UROS: variants seen among roughly 807,000 people sequenced by gnomAD.
The protein encoded by UROS is uroporphyrinogen-III synthase.
Under a neutral mutation model 33.0 loss-of-function variants are expected in UROS, and 18 were observed. The observed-to-expected ratio is 0.55, with a 90% confidence interval of 0.38 to 0.81. The LOEUF is 0.81. Among genes scored for constraint, UROS ranks in the 30% least tolerant of loss-of-function variants. The pLI, the probability that UROS is intolerant of heterozygous loss-of-function variation, is 0.00. For missense variants in UROS, 293 were observed against 314.9 expected (o/e 0.93, Z 0.53); for synonymous variants, 114 against 121.1 (o/e 0.94, Z 0.38).
intron 8 of UROS, among the ~76,000 whole-genome samples, chr10:125,795,670 C>T (rs1488574474): frequency 6.6e-6 from 1 of 152,146 alleles, no homozygotes; most frequent in Admixed American, 6.5e-5. Flanking sequence ...CCAGCATCCC[C>T]GTATGATGAA....
intron 6 of UROS, 100 bp from the exon 7 acceptor site, chr10:125,798,245 C>A (rs1484619163): frequency 1.6e-6 from 2 of 1,234,732 alleles, no homozygotes; most frequent in East Asian, 2.4e-5. Flanking sequence ...CAGCCCTGGG[C>A]TCCAGGCCTG....
chr10:125,798,174 A>T lies in UROS; in HGVS notation c.395-29T>A, dbSNP rs759599913. ...TGAATAAATAACCAGGCTTTGTGAA[A>T]ACTCAGGGCCAGTGCCTGTGCACAG... On this transcript the variant is annotated intron_variant, in intron 6 of 9. Coordinates refer to ENST00000368797, the MANE Select transcript of UROS (RefSeq NM_000375.3). 3.3e-5 allele frequency: 53 copies of T among 1,611,424 alleles called. 1 individual carries two copies. In the South Asian group the frequency reaches 5.7e-4, roughly 17 times the overall value.
intron 6 of UROS, chr10:125,807,204 A>T: frequency 1.7e-6 from 1 of 593,594 alleles, no homozygotes; most frequent in Non-Finnish European, 3.0e-6. Context: ...GTTCTTTGGT[A>T]CAGGGGGTAG....
chr10:125,813,023 A>C (rs1244920324), intron 4 of UROS, among the ~76,000 whole-genome samples: 2 of 152,350 alleles, frequency 1.3e-5, no homozygotes, highest in Non-Finnish European at 2.9e-5. Context: ...TCTACCCTTT[A>C]CATTAAGGGA....
chr10:125,795,050 C>T, intron 8 of UROS, 72 bp from the exon 9 acceptor site: 2 of 1,450,806 alleles, frequency 1.4e-6, no homozygotes, highest in Non-Finnish European at 1.9e-6. Flanking sequence ...CCGGCTTCAT[C>T]CGCATCAAGA....
intron 5 of UROS, among the ~76,000 whole-genome samples, chr10:125,809,213 T>G (rs996263553): frequency 6.6e-6 from 1 of 152,150 alleles, no homozygotes; most frequent in African/African-American, 2.4e-5. Flanking sequence ...CTATCTTCTG[T>G]GACATCACTG....
At chr10:125,796,335 CAG>C (rs1300993137) in intron 7 of UROS, 147 bp from the exon 8 acceptor site, 4 of 823,238 alleles carry the variant, frequency 4.9e-6, no homozygotes, top group Non-Finnish European at 8.4e-6. Context: ...CCAGACTCAG[CAG>C]AGAGGCCTTG....
chr10:125,819,503 C>T (rs115707444), intron 1 of UROS, among the ~76,000 whole-genome samples: 2,648 of 152,270 alleles, frequency 0.017, 88 homozygotes, highest in African/African-American at 0.06. Context: ...GATCCCTGTG[C>T]AGTTTTTCTT....
Position 125,796,199 on chromosome 10 carries a change from T to A in UROS, c.476-11A>T. The stretch of plus-strand genomic sequence containing the variant: ...TTTCCATGGCAATCCCTGGGCACAA[T>A]CAAAAGCAGGAAAGACTTTACCGCA... On this transcript the variant is annotated splice_polypyrimidine_tract_variant and intron_variant, in intron 7 of 9. Coordinates refer to ENST00000368797, the MANE Select transcript of UROS (RefSeq NM_000375.3). The A allele has an allele frequency of 2.5e-6, 4 of 1,613,992 alleles. No individual in the cohort carries two copies. The highest frequency in any genetic ancestry group is 1.3e-5 in the African/African-American group (1 of 74,986).
At chr10:125,822,748 G>T (rs925181617) in intron 1 of UROS, among the ~76,000 whole-genome samples, 1 of 152,166 alleles carries the variant, frequency 6.6e-6, no homozygotes, top group African/African-American at 2.4e-5. Context: ...GCGAGACACC[G>T]GGCCCGGCCC....
intron 6 of UROS, among the ~76,000 whole-genome samples, chr10:125,800,068 C>G (rs1468629864): frequency 6.6e-6 from 1 of 152,140 alleles, no homozygotes; most frequent in Non-Finnish European, 1.5e-5. Flanking sequence ...AGTAATAACA[C>G]TGAAAATCCT....
At chr10:125,786,493 T>TG (rs1850636474), downstream of UROS, among the ~76,000 whole-genome samples, 1 of 151,968 alleles carries the variant, frequency 6.6e-6, no homozygotes, top group Admixed American at 6.6e-5. Flanking sequence ...AGGCTGGTCT[T>TG]GAACTCCTGA....
chr10:125,785,334 C>T (rs1209157921), downstream of UROS: 1 of 152,210 alleles, frequency 6.6e-6, no homozygotes, highest in East Asian at 1.9e-4. Context: ...ACAACTTAAT[C>T]ACACTCTCAT....
chr10:125,786,299 CAG>C (rs1224609826), downstream of UROS, among the ~76,000 whole-genome samples: 1 of 140,614 alleles, frequency 7.1e-6, no homozygotes, highest in Admixed American at 7.2e-5. Context: ...TTTTTTTAGA[CAG>C]AGTTTTGCTC....
At position 125,816,519 on chromosome 10, in the gene UROS, T is replaced by C. The variant is rs1278686982; in HGVS notation, c.-20A>G. The C allele has an allele frequency of 9.9e-6, 16 of 1,614,150 alleles. No homozygotes were observed. Among genetic ancestry groups the C allele is most frequent in the East Asian group, 2.2e-5 (1 of 44,880 alleles). On this transcript the variant is annotated 5_prime_UTR_variant, in exon 2 of 10. Coordinates refer to ENST00000368797, the MANE Select transcript of UROS (RefSeq NM_000375.3). ...CTTCATTATTGCCTGGCAGTCCTTA[T>C]AGGGCACTGCGACAGAGCAAGGAAA...
chr10:125,786,910 C>T (rs1318564174), downstream of UROS, among the ~76,000 whole-genome samples: 12 of 152,236 alleles, frequency 7.9e-5, no homozygotes, highest in Admixed American at 5.2e-4. Context: ...TCAGCCTTCA[C>T]GTTCTCAGGA....
intron 6 of UROS, chr10:125,807,069 C>A (rs2073819952): frequency 3.3e-6 from 1 of 307,078 alleles, no homozygotes; most frequent in African/African-American, 2.2e-5. Context: ...AGGGAAAGGA[C>A]AGTCCTCAGT....
In UROS at chr10:125,818,147, T is replaced by A. The variant is rs189496374; in HGVS notation, c.-26-1622A>T. ...CACTGAAAGCATTTGTCTTCTTTTT[T>A]AATCCTGTATACAATCATTCCCAAA... On this transcript the variant is annotated intron_variant, in intron 1 of 9. Transcript: ENST00000368797. Among the ~76,000 whole-genome samples, 153 of 152,310 alleles carry A rather than the reference T, an allele frequency of 1.0e-3. 4 individuals carry two copies. The East Asian group carries it at 0.023, about 22-fold the overall frequency.
chr10:125,817,735 C>T (rs527245272), intron 1 of UROS, among the ~76,000 whole-genome samples: 8 of 152,284 alleles, frequency 5.3e-5, no homozygotes, highest in Non-Finnish European at 1.2e-4. Context: ...GAGGATGACA[C>T]TCATCCAAAG....
Sources: gnomAD v4.1 joint callset for allele counts (sites outside exome capture counted in the v4.1 genomes callset) on GRCh38, gnomAD v4.1.1 for gene constraint, MANE v1.5 for transcripts, NCBI Gene and HGNC (gene_info 2026-07-23, HGNC 2026-07-21) for gene names.